Variants in NEGR1 observed in about 807,000 individuals in gnomAD.
The protein encoded by NEGR1 is IgLON family member 4.
Under a neutral mutation model 40.9 loss-of-function variants are expected in NEGR1, and 10 were observed. The observed-to-expected ratio is 0.24, with a 90% CI of 0.15 to 0.42. The LOEUF (loss-of-function observed/expected upper bound fraction) is 0.42. Among genes scored for constraint, NEGR1 ranks in the 10% least tolerant of loss-of-function variants. NEGR1 has a pLI of 1.00. For missense variants in NEGR1, 352 were observed against 438.9 expected, an observed-to-expected ratio of 0.80 and a Z score of 1.77; for synonymous variants, 185 against 166.8, an observed-to-expected ratio of 1.11 and a Z score of -0.84.
chr1:71,841,193 A>G (rs571332304), intron 2 of NEGR1, among the ~76,000 whole-genome samples: 5 of 152,294 alleles, frequency 3.3e-5, no homozygotes, highest in African/African-American at 1.2e-4. Context: ...GAAGAATCCT[A>G]TGAGAAGAGG....
intron 1 of NEGR1, among the ~76,000 whole-genome samples, chr1:72,190,847 T>C (rs1216451487): frequency 6.6e-6 from 1 of 151,560 alleles, no homozygotes; most frequent in Non-Finnish European, 1.5e-5. Flanking sequence ...TATGCAAAAA[T>C]TAACTTACAA....
At chr1:71,906,862 C>T (rs1393074717) in intron 2 of NEGR1, among the ~76,000 whole-genome samples, 1 of 152,120 alleles carries the variant, frequency 6.6e-6, no homozygotes, top group Non-Finnish European at 1.5e-5. Flanking sequence ...ATACCTAGCA[C>T]TTAACCTAGC....
intron 4 of NEGR1, among the ~76,000 whole-genome samples, chr1:71,689,301 G>A (rs1379427201): frequency 6.6e-6 from 1 of 152,136 alleles, no homozygotes; most frequent in Non-Finnish European, 1.5e-5. Flanking sequence ...AATTCATGCA[G>A]TCTCTATAAA....
intron 1 of NEGR1, among the ~76,000 whole-genome samples, chr1:71,986,445 ATCT>A (rs1485079380): frequency 6.6e-6 from 1 of 152,158 alleles, no homozygotes; most frequent in Non-Finnish European, 1.5e-5. Flanking sequence ...CTACAGACTG[ATCT>A]TCATCCTCCG....
intron 4 of NEGR1, among the ~76,000 whole-genome samples, chr1:71,619,477 C>T (rs899711057): frequency 1.3e-5 from 2 of 152,010 alleles, no homozygotes; most frequent in African/African-American, 4.8e-5. Context: ...TTAGATGTAA[C>T]CTTTCAATAA....
chr1:71,537,169 T>C (rs1647539203), intron 6 of NEGR1, among the ~76,000 whole-genome samples: 2 of 151,660 alleles, frequency 1.3e-5, no homozygotes, highest in African/African-American at 4.8e-5. Flanking sequence ...CCTCAACAAC[T>C]ATGAGGTAGA....
rs929057510 is a variant in NEGR1 at position 71,410,188 on chromosome 1, C to T, written c.941-2618G>A. Among the ~76,000 whole-genome samples the T allele has an allele frequency of 4.0e-5, 6 of 151,858 alleles. No homozygotes were observed. The East Asian group carries it at 1.2e-3, about 29-fold the overall frequency. ...TGTGAATATAATATTTATATTAGTC[C>T]TGAAATAAACTAGAAACTGGGGGAT... On this transcript the variant is annotated intron_variant, in intron 6 of 6. Coordinates refer to ENST00000357731, the MANE Select transcript of NEGR1 (RefSeq NM_173808.3).
chr1:71,479,221 C>T (rs978993412), intron 6 of NEGR1, among the ~76,000 whole-genome samples: 1 of 151,974 alleles, frequency 6.6e-6, no homozygotes, highest in South Asian at 2.1e-4. Flanking sequence ...TAGCTGTGCT[C>T]ATCAGTCGAC....
At chr1:71,834,122 C>T (rs1303307153) in intron 2 of NEGR1, among the ~76,000 whole-genome samples, 1 of 151,944 alleles carries the variant, frequency 6.6e-6, no homozygotes, top group Non-Finnish European at 1.5e-5. Flanking sequence ...GGATGTGAAG[C>T]CACCTACATT....
chr1:71,864,741 C>T (rs1426179), intron 2 of NEGR1, among the ~76,000 whole-genome samples: 39,349 of 151,886 alleles, frequency 0.26, 5,305 homozygotes, highest in East Asian at 0.51. Flanking sequence ...AATAAGCACA[C>T]GGTAAATAAA....
intron 6 of NEGR1, among the ~76,000 whole-genome samples, chr1:71,428,054 A>G (rs915709479): frequency 2.6e-5 from 4 of 152,092 alleles, no homozygotes; most frequent in Non-Finnish European, 4.4e-5. Flanking sequence ...TATGCATAGC[A>G]ACATTTAGAG....
At chr1:72,268,310 A>G (rs1455156260) in intron 1 of NEGR1, among the ~76,000 whole-genome samples, 2 of 151,494 alleles carry the variant, frequency 1.3e-5, no homozygotes, top group African/African-American at 2.4e-5. Context: ...AGTGTTCACA[A>G]TAAGTATGGG....
chr1:72,032,096 C>A (rs1646863454), intron 1 of NEGR1, among the ~76,000 whole-genome samples: 1 of 152,160 alleles, frequency 6.6e-6, no homozygotes, highest in Non-Finnish European at 1.5e-5. Flanking sequence ...CTCAAAAACA[C>A]TTGTTTGTCT....
At chr1:72,168,007 T>TATTATTA (rs34738636) in intron 1 of NEGR1, among the ~76,000 whole-genome samples, 23 of 68,944 alleles carry the variant, frequency 3.3e-4, no homozygotes, top group Non-Finnish European at 5.2e-4. Context: ...TTATTATTAT[T>TATTATTA]TTTTTTTTTT....
At chr1:72,230,555 T>C (rs1654330541) in intron 1 of NEGR1, among the ~76,000 whole-genome samples, 1 of 152,104 alleles carries the variant, frequency 6.6e-6, no homozygotes, top group African/African-American at 2.4e-5. Flanking sequence ...ACTATGCCCT[T>C]TAGCTAGTCC....
At chr1:72,035,464 A>C (rs1437417238) in intron 1 of NEGR1, among the ~76,000 whole-genome samples, 2 of 152,214 alleles carry the variant, frequency 1.3e-5, no homozygotes, top group Non-Finnish European at 2.9e-5. Flanking sequence ...CAGAGGGCTC[A>C]GAAAGCTTGA....
chr1:71,455,462 C>T (rs1051365420), intron 6 of NEGR1, among the ~76,000 whole-genome samples: 4 of 152,196 alleles, frequency 2.6e-5, no homozygotes, highest in African/African-American at 9.6e-5. Flanking sequence ...CACAGTGGCT[C>T]ACGCCTGTAA....
chr1:72,159,138 G>A (rs1651464494), intron 1 of NEGR1, among the ~76,000 whole-genome samples: 1 of 152,208 alleles, frequency 6.6e-6, no homozygotes, highest in Admixed American at 6.6e-5. Context: ...CCACTGCTAT[G>A]CTGATTTTGA....
chr1:71,628,760 C>T (rs1312893808), intron 4 of NEGR1, among the ~76,000 whole-genome samples: 1 of 151,696 alleles, frequency 6.6e-6, no homozygotes, highest in Non-Finnish European at 1.5e-5. Context: ...TTTTTTATGG[C>T]TGAGTAGTAT....
Sources: allele counts gnomAD v4.1 joint callset (sites outside exome capture counted in the v4.1 genomes callset), GRCh38; gene constraint gnomAD v4.1.1; transcripts MANE v1.5; gene names NCBI Gene and HGNC (gene_info 2026-07-23, HGNC 2026-07-21).